The following TBCEL variants were observed in gnomAD, a reference collection of about 807,000 sequenced individuals.
The protein encoded by TBCEL is tubulin-specific chaperone cofactor E-like protein.
In TBCEL, 15 loss-of-function variants were observed where a neutral mutation model predicts 44.2. That is an observed-to-expected ratio of 0.34 (90% CI 0.23 to 0.52). The LOEUF (loss-of-function observed/expected upper bound fraction) is 0.52, where lower values mean the gene tolerates loss of function less well. Ranked by LOEUF, TBCEL falls within the 20% of genes least tolerant of loss-of-function variation. TBCEL has a pLI of 0.95. For missense variants in TBCEL, 319 were observed against 506.3 expected (o/e 0.63, Z 3.55); for synonymous variants, 171 against 185.4 (o/e 0.92, Z 0.63).
At chr11:121,068,219 C>A (rs1379888871) in intron 8 of TBCEL, among the ~76,000 whole-genome samples, 1 of 152,138 alleles carries the variant, frequency 6.6e-6, no homozygotes, top group South Asian at 2.1e-4. Flanking sequence ...ACTCAACTTT[C>A]GATACCCTCC....
In TBCEL at chr11:121,055,244, G is replaced by C; in HGVS notation, c.648G>C (p.Glu216Asp). ...CCAACAATCATTTGAATGCTATTGAGGAGCCTGATGATTCATTGGCCAGGT... is the reference window on the plus strand; with the variant it reads ...CCAACAATCATTTGAATGCTATTGACGAGCCTGATGATTCATTGGCCAGGT... ...VLANNHLNAI[E>D]EPDDSLARLF... The change falls in exon 6 of 9, where the codon GAG becomes GAC. Residue 216 changes from glutamate to aspartate, a missense_variant. By Grantham distance (45) the Glu-to-Asp change is conservative. Coordinates refer to ENST00000683345, the MANE Select transcript of TBCEL (RefSeq NM_001363644.2). The C allele has an allele frequency of 6.2e-7, 1 of 1,611,916 alleles. No individual in the cohort carries two copies. The highest frequency in any genetic ancestry group is 8.5e-7 in the Non-Finnish European group (1 of 1,178,866).
At position 121,027,224 on chromosome 11, in the gene TBCEL, G is replaced by A. The variant is rs186202639; in HGVS notation, c.-126+2933G>A. On this transcript the variant is annotated intron_variant, in intron 1 of 8. Coordinates refer to ENST00000683345, the MANE Select transcript of TBCEL (RefSeq NM_001363644.2). ...ATAGTGATACAATTTGGGCTTAAAG[G>A]GTGAAGGAATCCTTATTTGCGATTG... is the stretch of plus-strand genomic sequence containing the variant. 2.9e-3 allele frequency among the ~76,000 whole-genome samples: 437 copies of A among 152,232 alleles called. 2 individuals are homozygous for A. The highest frequency in any genetic ancestry group is 2.7e-3 in the Non-Finnish European group (181 of 67,990).
intron 8 of TBCEL, among the ~76,000 whole-genome samples, chr11:121,075,704 G>C (rs1946020780): frequency 6.6e-6 from 1 of 151,772 alleles, no homozygotes; most frequent in South Asian, 2.1e-4. Flanking sequence ...TCTTTTATTA[G>C]ATTTACACCT....
intron 1 of TBCEL, among the ~76,000 whole-genome samples, chr11:121,026,610 C>T (rs1265179934): frequency 2.0e-5 from 3 of 152,164 alleles, no homozygotes; most frequent in Non-Finnish European, 4.4e-5. Flanking sequence ...AAATGCTTTA[C>T]GAAAACATTC....
At chr11:121,073,598 T>C (rs918071821) in intron 8 of TBCEL, among the ~76,000 whole-genome samples, 1 of 151,928 alleles carries the variant, frequency 6.6e-6, no homozygotes, top group Non-Finnish European at 1.5e-5. Context: ...TTTTCTTGGA[T>C]ATGACCTCCA....
At chr11:121,042,499 G>A (rs1423856079) in intron 2 of TBCEL, among the ~76,000 whole-genome samples, 1 of 152,118 alleles carries the variant, frequency 6.6e-6, no homozygotes, top group Non-Finnish European at 1.5e-5. Context: ...CCACTATATA[G>A]ACACTTAACA....
intron 1 of TBCEL, among the ~76,000 whole-genome samples, chr11:121,033,043 A>G (rs2000528): frequency 0.21 from 32,645 of 152,124 alleles, 3,578 homozygotes; most frequent in East Asian, 0.33. Flanking sequence ...ATATTTACAC[A>G]TATCTTTATA....
intron 1 of TBCEL, among the ~76,000 whole-genome samples, chr11:121,029,324 G>A (rs1392705095): frequency 3.3e-5 from 5 of 152,074 alleles, no homozygotes. Context: ...TTGTTTATTT[G>A]ACTCATATCA....
At position 121,087,123 on chromosome 11, in the gene TBCEL, C is replaced by A; in HGVS notation, c.*27C>A. ...CTCTACCAGCCTTGTGAAAAACATA[C>A]ACATAAGGACTTGTTGCAGGGCATT... is the stretch of plus-strand genomic sequence containing the variant. On this transcript the variant is annotated 3_prime_UTR_variant, in exon 9 of 9. Coordinates refer to ENST00000683345, the MANE Select transcript of TBCEL (RefSeq NM_001363644.2). The A allele has an allele frequency of 1.3e-6, 2 of 1,576,500 alleles. No homozygotes were observed. Among genetic ancestry groups the A allele is most frequent in the Non-Finnish European group, 1.7e-6 (2 of 1,160,648 alleles).
At chr11:121,049,262 T>C (rs1399258334) in intron 4 of TBCEL, among the ~76,000 whole-genome samples, 2 of 151,876 alleles carry the variant, frequency 1.3e-5, no homozygotes, top group Non-Finnish European at 2.9e-5. Flanking sequence ...ATCCATAAGG[T>C]AGGCTTGCCG....
intron 8 of TBCEL, among the ~76,000 whole-genome samples, chr11:121,078,354 G>C (rs550278901): frequency 1.3e-5 from 2 of 151,986 alleles, no homozygotes; most frequent in Non-Finnish European, 2.9e-5. Context: ...GCTGGAGCTC[G>C]TCTCTCCCTG....
intron 8 of TBCEL, among the ~76,000 whole-genome samples, chr11:121,062,355 G>A (rs1240194473): frequency 2.0e-5 from 3 of 151,928 alleles, no homozygotes; most frequent in Admixed American, 6.6e-5. Flanking sequence ...TAATAAATCC[G>A]TAAGCCAGTA....
At chr11:121,082,581 T>C (rs2135018446) in intron 8 of TBCEL, among the ~76,000 whole-genome samples, 1 of 152,338 alleles carries the variant, frequency 6.6e-6, no homozygotes, top group African/African-American at 2.4e-5. Flanking sequence ...AGGAGTGATG[T>C]GATACAATTT....
intron 2 of TBCEL, among the ~76,000 whole-genome samples, chr11:121,037,640 A>T (rs1945255959): frequency 6.6e-6 from 1 of 152,222 alleles, no homozygotes; most frequent in African/African-American, 2.4e-5. Flanking sequence ...AAAATTTTTC[A>T]TGGACTATTT....
At position 121,090,421 on chromosome 11, in the gene TBCEL, G is replaced by A. The variant is rs1483577828; in HGVS notation, c.*3325G>A. Reference sequence around the variant, plus strand: ...AGAATACTAGATTGTTCTAAGTAATGTCATTTCGGTTTGTGAATTTGATTT... The same window carrying A: ...AGAATACTAGATTGTTCTAAGTAATATCATTTCGGTTTGTGAATTTGATTT... On this transcript the variant is annotated 3_prime_UTR_variant, in exon 9 of 9. Transcript: ENST00000683345. 1.3e-5 allele frequency: 2 copies of A among 152,050 alleles called. No individual in the cohort carries two copies. Among genetic ancestry groups the A allele is most frequent in the African/African-American group, 2.4e-5 (1 of 41,396 alleles). 9.4% of individuals were successfully genotyped at this position (152,050 alleles called of 1,614,324 possible).
At position 121,058,975 on chromosome 11, in the gene TBCEL, A is replaced by C. The variant is rs146400627; in HGVS notation, c.839+504A>C. Among the ~76,000 whole-genome samples the C allele has an allele frequency of 2.6e-3, 400 of 152,094 alleles. 2 individuals are homozygous for C. The highest frequency in any genetic ancestry group is 8.9e-3 in the African/African-American group (369 of 41,556). On this transcript the variant is annotated intron_variant, in intron 7 of 8. Coordinates refer to ENST00000683345, the MANE Select transcript of TBCEL (RefSeq NM_001363644.2). ...TGACTCCCCTTGCCTTTTGTGTCTC[A>C]GCCTCTGCCTCCACATACTCGGGAA...
At chr11:121,047,835 G>A in intron 4 of TBCEL, 168 bp downstream of exon 4, 2 of 849,840 alleles carry the variant, frequency 2.4e-6, no homozygotes, top group Non-Finnish European at 3.5e-6. Context: ...GATAAATAAG[G>A]CCTATAATCC....
intron 8 of TBCEL, among the ~76,000 whole-genome samples, chr11:121,076,144 A>G (rs1194682572): frequency 6.6e-6 from 1 of 151,878 alleles, no homozygotes. Context: ...GATCTTTTTC[A>G]GCATGATTTA....
At position 121,086,970 on chromosome 11, in the gene TBCEL, G is replaced by A; in HGVS notation, c.1149G>A (p.Met383Ile). 1 of 1,614,086 alleles carries A rather than the reference G, an allele frequency of 6.2e-7. No individual in the cohort carries two copies. Among genetic ancestry groups the A allele is most frequent in the Non-Finnish European group, 8.5e-7 (1 of 1,180,006 alleles). ...TAGTACAATTACCCACAAGCAACAT[G>A]CTTCTCTACTATTTTGACCATGAAG... is the stretch of plus-strand genomic sequence containing the variant. ...KTLVQLPTSNMLLYYFDHEAP... is the reference protein window; with the variant it reads ...KTLVQLPTSNILLYYFDHEAP... The change falls in exon 9 of 9, where the codon ATG becomes ATA. Residue 383 changes from methionine (M) to isoleucine (I), a missense_variant. Transcript: ENST00000683345.
Sources: gnomAD v4.1 joint callset for allele counts (sites outside exome capture counted in the v4.1 genomes callset) on GRCh38, gnomAD v4.1.1 for gene constraint, MANE v1.5 for transcripts, NCBI Gene and HGNC (gene_info 2026-07-23, HGNC 2026-07-21) for gene names.